DLG2: variants seen among roughly 807,000 people sequenced by gnomAD.
DLG2 encodes disks large homolog 2.
In DLG2, 45 loss-of-function variants were observed where a neutral mutation model predicts 132.5. The ratio of observed to expected loss-of-function variants is 0.34; its 90% CI spans 0.27 to 0.44. The LOEUF (loss-of-function observed/expected upper bound fraction) is 0.44, where lower values mean the gene tolerates loss of function less well. Among genes scored for constraint, DLG2 ranks in the 20% least tolerant of loss-of-function variants. The pLI is 1.00. For missense variants in DLG2, 1,045 were observed against 1,196.9 expected (o/e 0.87, Z 1.87); for synonymous variants, 424 against 419.6 (o/e 1.01, Z -0.13).
At chr11:83,849,087 G>C (rs996042318) in intron 16 of DLG2, among the ~76,000 whole-genome samples, 3 of 152,180 alleles carry the variant, frequency 2.0e-5, no homozygotes, top group Non-Finnish European at 4.4e-5. Context: ...TAATTACCCA[G>C]CTTTGGTTTC....
intron 7 of DLG2, among the ~76,000 whole-genome samples, chr11:84,373,256 AAAAAAAAACAAAAC>A (rs1056664827): frequency 3.5e-5 from 3 of 85,560 alleles, no homozygotes; most frequent in Admixed American, 1.1e-4. Flanking sequence ...AGTCAAAAAA[AAAAAAAAACAAAAC>A]AAAAAAAAAA....
intron 9 of DLG2, among the ~76,000 whole-genome samples, chr11:84,108,748 T>TTGTG (rs558899524): frequency 6.0e-5 from 9 of 150,080 alleles, no homozygotes; most frequent in African/African-American, 1.7e-4. Context: ...ATACTTTTTA[T>TTGTG]TGTGTACAAA....
At chr11:85,077,252 G>A (rs191616177) in intron 6 of DLG2, among the ~76,000 whole-genome samples, 1 of 152,058 alleles carries the variant, frequency 6.6e-6, no homozygotes, top group East Asian at 1.9e-4. Flanking sequence ...GTTAGAGTTT[G>A]GAAAAAAAGA....
intron 7 of DLG2, among the ~76,000 whole-genome samples, chr11:84,377,121 C>T (rs891442978): frequency 4.6e-5 from 7 of 152,022 alleles, no homozygotes; most frequent in African/African-American, 2.4e-5. Context: ...AAATTACATG[C>T]ACCATCTGTG....
At chr11:84,376,607 T>C (rs887632893) in intron 7 of DLG2, among the ~76,000 whole-genome samples, 20 of 151,876 alleles carry the variant, frequency 1.3e-4, no homozygotes, top group African/African-American at 4.8e-4. Context: ...CCAAGTATAG[T>C]GATGTGGTTA....
intron 3 of DLG2, among the ~76,000 whole-genome samples, chr11:85,493,292 A>G (rs2093603156): frequency 6.6e-6 from 1 of 152,154 alleles, no homozygotes; most frequent in African/African-American, 2.4e-5. Flanking sequence ...CTATACTCCA[A>G]CCACACTATC....
At chr11:83,549,525 C>G (rs1232464032) in intron 19 of DLG2, among the ~76,000 whole-genome samples, 1 of 152,128 alleles carries the variant, frequency 6.6e-6, no homozygotes, top group Non-Finnish European at 1.5e-5. Context: ...TAAAGATGAG[C>G]AAGTGTCCCA....
chr11:84,532,458 T>C (rs1463794281), intron 7 of DLG2, among the ~76,000 whole-genome samples: 1 of 151,858 alleles, frequency 6.6e-6, no homozygotes, highest in Non-Finnish European at 1.5e-5. Flanking sequence ...GGAGGAAAGG[T>C]TGGGAAGGGA....
chr11:83,712,278 G>A (rs2153664966), intron 18 of DLG2, among the ~76,000 whole-genome samples: 1 of 152,260 alleles, frequency 6.6e-6, no homozygotes, highest in African/African-American at 2.4e-5. Context: ...ATCAATGATA[G>A]ACTAGATAAA....
At chr11:84,274,602 G>A (rs774202763) in intron 7 of DLG2, among the ~76,000 whole-genome samples, 1 of 152,140 alleles carries the variant, frequency 6.6e-6, no homozygotes. Flanking sequence ...TAATGCCCTT[G>A]TAGTGTTAAA....
intron 4 of DLG2, among the ~76,000 whole-genome samples, chr11:85,195,893 C>T (rs183062317): frequency 6.6e-6 from 1 of 152,060 alleles, no homozygotes; most frequent in South Asian, 2.1e-4. Flanking sequence ...AAAATAGAAA[C>T]AATTTTGAAA....
chr11:85,144,349 C>CT lies in DLG2; in HGVS notation c.282+10206dup, dbSNP rs35874789. Among the ~76,000 whole-genome samples, 962 of 138,072 alleles carry CT rather than the reference C, an allele frequency of 7.0e-3. 5 individuals are homozygous for CT. The highest frequency in any genetic ancestry group is 0.012 in the Admixed American group (165 of 13,894). 90.6% of individuals were successfully genotyped at this position (138,072 alleles called of 152,430 possible). On this transcript the variant is annotated intron_variant, in intron 5 of 27. Transcript: ENST00000376104. ...TTTTGTAGGCAGCATATAATTGGGT[C>CT]TTTTTTTTTTTTTTTTATCAGTTTA...
At chr11:85,061,160 T>C (rs1320022955) in intron 6 of DLG2, among the ~76,000 whole-genome samples, 1 of 151,898 alleles carries the variant, frequency 6.6e-6, no homozygotes, top group Non-Finnish European at 1.5e-5. Flanking sequence ...GTAGATATTT[T>C]CTCCCATTCC....
intron 16 of DLG2, among the ~76,000 whole-genome samples, chr11:83,850,204 A>C (rs1010368607): frequency 2.1e-5 from 3 of 143,560 alleles, no homozygotes; most frequent in African/African-American, 7.9e-5. Flanking sequence ...CCCAGGCTGG[A>C]GTGCAGTGGC....
intron 3 of DLG2, among the ~76,000 whole-genome samples, chr11:85,582,954 C>T (rs1335062007): frequency 1.4e-5 from 2 of 146,708 alleles, no homozygotes; most frequent in Admixed American, 1.4e-4. Flanking sequence ...AAAGAGAGTT[C>T]TAACCTTATG....
At chr11:85,222,584 G>A (rs1037799255) in intron 4 of DLG2, among the ~76,000 whole-genome samples, 21 of 152,142 alleles carry the variant, frequency 1.4e-4, no homozygotes, top group Non-Finnish European at 5.9e-5. Flanking sequence ...AGGAAAGTGA[G>A]TCCCCAAAGA....
At chr11:84,919,770 C>T (rs915324218) in intron 6 of DLG2, among the ~76,000 whole-genome samples, 1 of 152,080 alleles carries the variant, frequency 6.6e-6, no homozygotes, top group Non-Finnish European at 1.5e-5. Context: ...GATCCATTTC[C>T]AAAGACAAAA....
At chr11:85,563,139 C>T (rs1010104446) in intron 3 of DLG2, among the ~76,000 whole-genome samples, 3 of 151,736 alleles carry the variant, frequency 2.0e-5, no homozygotes, top group Non-Finnish European at 4.4e-5. Flanking sequence ...TTCTCTCTCG[C>T]TTACTAGCTA....
intron 19 of DLG2, among the ~76,000 whole-genome samples, chr11:83,608,201 C>T (rs1051365820): frequency 1.3e-5 from 2 of 152,166 alleles, no homozygotes; most frequent in Non-Finnish European, 2.9e-5. Flanking sequence ...ATACACCTAA[C>T]GTACCAAACA....
Sources: allele counts gnomAD v4.1 joint callset (sites outside exome capture counted in the v4.1 genomes callset), GRCh38; gene constraint gnomAD v4.1.1; transcripts MANE v1.5; gene names NCBI Gene and HGNC (gene_info 2026-07-23, HGNC 2026-07-21).